Variants in TKTL1 observed in about 807,000 individuals in gnomAD.
TKTL1 encodes the protein transketolase-like protein 1.
A neutral mutation model predicts 39.3 loss-of-function variants in TKTL1; 1 was observed. The observed-to-expected ratio is 0.03, with a 90% CI of 0.01 to 0.12. The LOEUF is 0.12. Among genes scored for constraint, TKTL1 ranks in the 10% least tolerant of loss-of-function variants. The pLI, the probability that TKTL1 is intolerant of heterozygous loss-of-function variation, is 1.00. For synonymous variants in TKTL1, 262 were observed against 193.8 expected (o/e 1.35, Z -2.92); for missense variants, 575 against 509.6 (o/e 1.13, Z -1.24).
At chrX:154,298,902 G>A (rs1375172998) in intron 1 of TKTL1, among the ~76,000 whole-genome samples, 1 of 109,700 alleles carries the variant, frequency 9.1e-6, no homozygotes, top group South Asian at 3.8e-4. Context: ...TAGAGATGGG[G>A]TTTCTCCTTG....
intron 1 of TKTL1, among the ~76,000 whole-genome samples, chrX:154,300,055 GC>G (rs1557165576): frequency 1.0e-5 from 1 of 96,599 alleles, no homozygotes; most frequent in Non-Finnish European, 2.0e-5. Context: ...TTGCTCTGTC[GC>G]CCAGGCTGGA....
intron 6 of TKTL1, among the ~76,000 whole-genome samples, chrX:154,313,095 C>T (rs782663742): frequency 8.9e-6 from 1 of 111,821 alleles, no homozygotes; most frequent in South Asian, 3.7e-4. Context: ...TCCTGGCTCC[C>T]CTTCTCTTTT....
rs992583401 is a variant in TKTL1, at chrX:154,310,905, T to C, written c.420T>C (p.Phe140=). Residue 140 remains phenylalanine, a synonymous_variant, in exon 4 of 13, where the codon TTT becomes TTC. Coordinates refer to ENST00000369915, the MANE Select transcript of TKTL1 (RefSeq NM_012253.4). ...GCTCTGTCTGGGAGGCAATGGCCTT[T>C]GCTTCCTACTACAGTCTGGACAATC... ...SEGSVWEAMA[F]ASYYSLDNLV... is the part of the protein sequence containing the mutation. The C allele has an allele frequency of 1.6e-5, 19 of 1,210,440 alleles. No individual in the cohort carries two copies. The South Asian group carries it at 3.3e-4, about 21-fold the overall frequency.
intron 1 of TKTL1, among the ~76,000 whole-genome samples, chrX:154,304,591 A>T (rs1330806345): frequency 9.2e-6 from 1 of 108,690 alleles, no homozygotes; most frequent in Non-Finnish European, 1.9e-5. Flanking sequence ...GTGAGGGCCC[A>T]TCCCTTCGCG....
At chrX:154,325,641 T>G (rs1286269006) in intron 10 of TKTL1, among the ~76,000 whole-genome samples, 1 of 112,452 alleles carries the variant, frequency 8.9e-6, no homozygotes, top group Non-Finnish European at 1.9e-5. Flanking sequence ...TGGAGTCTTT[T>G]GTTGTTGTTG....
At chrX:154,306,341 T>G (rs1328441258) in intron 2 of TKTL1, among the ~76,000 whole-genome samples, 2 of 111,072 alleles carry the variant, frequency 1.8e-5, no homozygotes, top group African/African-American at 6.6e-5. Context: ...GAGTACTGTG[T>G]CCAAATAGAA....
chrX:154,313,924 ACT>A (rs199618715), intron 6 of TKTL1, among the ~76,000 whole-genome samples: 2,186 of 105,946 alleles, frequency 0.021, 63 homozygotes, highest in African/African-American at 0.072. Context: ...ACGGAGCGAG[ACT>A]CTGTCTCAAA....
At chrX:154,319,412 TG>T (rs1557170132) in intron 7 of TKTL1, among the ~76,000 whole-genome samples, 1 of 111,702 alleles carries the variant, frequency 9.0e-6, no homozygotes, top group Non-Finnish European at 1.9e-5. Flanking sequence ...GCATGCCCTT[TG>T]GGGATCAGGT....
At chrX:154,311,287 G>T in intron 5 of TKTL1, 49 bp downstream of exon 5, 1 of 1,204,590 alleles carries the variant, frequency 8.3e-7, no homozygotes, top group Non-Finnish European at 1.1e-6. Context: ...GCATCTGTCC[G>T]CTCAGCAGCA....
intron 12 of TKTL1, 43 bp downstream of exon 12, chrX:154,328,001 T>C (rs1331947157): frequency 6.7e-6 from 8 of 1,202,789 alleles, no homozygotes; most frequent in East Asian, 5.9e-5. Flanking sequence ...TTTTGGTGTT[T>C]TTGTTTCCTT....
At position 154,312,788 on chromosome X, in the gene TKTL1, G is replaced by A; in HGVS notation, c.864+15G>A. 4 of 1,183,237 alleles carry A rather than the reference G, an allele frequency of 3.4e-6. No homozygotes were observed. The South Asian group carries it at 7.3e-5, about 22-fold the overall frequency. On this transcript the variant is annotated intron_variant, in intron 6 of 12. Transcript: ENST00000369915. The stretch of plus-strand genomic sequence containing the variant: ...TTGGTGACAAGGTAGGCAGAAAGGT[G>A]GATAATTGAATAAATCAGATACGTC...
intron 1 of TKTL1, among the ~76,000 whole-genome samples, chrX:154,296,487 A>C (rs2067229409): frequency 9.1e-6 from 1 of 110,160 alleles, no homozygotes; most frequent in Admixed American, 9.7e-5. Context: ...AACATGGCGA[A>C]ACCCCGTCTC....
chrX:154,320,691 C>T, intron 7 of TKTL1, 66 bp from the exon 8 acceptor site: 2 of 1,083,302 alleles, frequency 1.8e-6, no homozygotes, highest in Non-Finnish European at 2.6e-6. Flanking sequence ...ATCATGGGGA[C>T]TGTGGGAGAA....
In TKTL1 at chrX:154,305,462, G is replaced by T. The variant is rs782349535; in HGVS notation, c.252+41G>T. ...GCCCAGGGCTGCTGTGGCGCCTGCT[G>T]GTTAAGCCCAGTTTGAACAGCCACC... On this transcript the variant is annotated intron_variant, in intron 2 of 12. Transcript: ENST00000369915. 2.5e-6 allele frequency: 3 copies of T among 1,184,313 alleles called. No individual in the cohort carries two copies. In the African/African-American group the frequency reaches 5.3e-5, roughly 21 times the overall value.
chrX:154,323,732 G>A (rs1160543924), intron 9 of TKTL1, among the ~76,000 whole-genome samples: 2 of 112,551 alleles, frequency 1.8e-5, no homozygotes, highest in Admixed American at 1.9e-4. Flanking sequence ...CTCCTGCTGT[G>A]TCCTGACATC....
rs781878559 is a variant in TKTL1, at chrX:154,295,895, G to T, written c.36G>T (p.Glu12Asp). ...ADAEARAEFP[E>D]EARPDRGTLQ... The stretch of plus-strand genomic sequence containing the variant: ...CTGAGGCGAGGGCTGAGTTCCCGGA[G>T]GAGGCCAGACCTGACAGGGGCACCT... Residue 12 changes from glutamate to aspartate, a missense_variant, in exon 1 of 13, where the codon GAG (glutamate) becomes GAT (aspartate). Transcript: ENST00000369915. 1.6e-6 allele frequency: 2 copies of T among 1,212,154 alleles called. No individual in the cohort carries two copies. Among genetic ancestry groups the T allele is most frequent in the South Asian group, 3.5e-5 (2 of 57,027 alleles).
chrX:154,315,822 T>G (rs1456598358), intron 7 of TKTL1, among the ~76,000 whole-genome samples: 1 of 112,572 alleles, frequency 8.9e-6, no homozygotes, highest in Non-Finnish European at 1.9e-5. Context: ...TTAGAGCTGG[T>G]GCCTTAGGCA....
In TKTL1 at chrX:154,329,631, G is replaced by T. The variant is rs1482558404; in HGVS notation, c.1734G>T (p.Met578Ile). Residue 578 changes from methionine to isoleucine, a missense_variant, in exon 13 of 13, where the codon ATG becomes ATT. By Grantham distance (10) the Met-to-Ile change is conservative. Coordinates refer to ENST00000369915, the MANE Select transcript of TKTL1 (RefSeq NM_012253.4). ...GGAAGTCCGAGGAATTGCTGGATATGTATGGAATTAGTGCCAGACATATCA... is the reference window on the plus strand; with the variant it reads ...GGAAGTCCGAGGAATTGCTGGATATTTATGGAATTAGTGCCAGACATATCA... ...QSGKSEELLD[M>I]YGISARHIIV... is the part of the protein sequence containing the mutation. 1 of 1,212,009 alleles carries T rather than the reference G, an allele frequency of 8.3e-7. No individual in the cohort carries two copies. Among genetic ancestry groups the T allele is most frequent in the Non-Finnish European group, 1.1e-6 (1 of 895,563 alleles).
chrX:154,309,324 A>G (rs2067337817), intron 2 of TKTL1, 21 bp from the exon 3 acceptor site: 3 of 1,192,329 alleles, frequency 2.5e-6, no homozygotes. Context: ...GTCTGGGCTC[A>G]CTGGGTCCCT....
Sources: allele counts gnomAD v4.1 joint callset (sites outside exome capture counted in the v4.1 genomes callset), GRCh38; gene constraint gnomAD v4.1.1; transcripts MANE v1.5; gene names NCBI Gene and HGNC (gene_info 2026-07-23, HGNC 2026-07-21).